HEATR5A: variants seen among roughly 807,000 people sequenced by gnomAD.
The protein encoded by HEATR5A is HEAT repeat-containing protein 5A.
Under a neutral mutation model 218.8 loss-of-function variants are expected in HEATR5A, and 178 were observed. That is an observed-to-expected ratio of 0.81 (90% CI 0.72 to 0.92). The LOEUF (loss-of-function observed/expected upper bound fraction) is 0.92. HEATR5A is among the 40% of genes least tolerant of loss of function. The pLI, the probability that HEATR5A is intolerant of heterozygous loss-of-function variation, is 0.00. For synonymous variants in HEATR5A, 864 were observed against 871.6 expected, an observed-to-expected ratio of 0.99 and a Z score of 0.15; for missense variants, 2,420 against 2,418.9, an observed-to-expected ratio of 1.00 and a Z score of -0.01.
intron 22 of HEATR5A, among the ~76,000 whole-genome samples, chr14:31,336,483 C>G (rs1900675726): frequency 6.6e-6 from 1 of 151,858 alleles, no homozygotes; most frequent in African/African-American, 2.4e-5. Flanking sequence ...AGCCACCATA[C>G]CTGGCCTATT....
At chr14:31,337,247 T>C (rs1900699040) in intron 22 of HEATR5A, among the ~76,000 whole-genome samples, 1 of 152,192 alleles carries the variant, frequency 6.6e-6, no homozygotes, top group Admixed American at 6.5e-5. Flanking sequence ...ATAATCTGCA[T>C]TTCTAACAAG....
At chr14:31,342,299 G>C (rs1900865896) in intron 21 of HEATR5A, among the ~76,000 whole-genome samples, 1 of 152,100 alleles carries the variant, frequency 6.6e-6, no homozygotes, top group Non-Finnish European at 1.5e-5. Flanking sequence ...GAAGGGGGAG[G>C]ATCACTTGAG....
chr14:31,352,607 A>C (rs1901271632), intron 16 of HEATR5A, among the ~76,000 whole-genome samples: 1 of 152,172 alleles, frequency 6.6e-6, no homozygotes, highest in Admixed American at 6.6e-5. Context: ...GAAGGTATCG[A>C]GGCTATGTGT....
chr14:31,378,295 C>T (rs1005921824), intron 11 of HEATR5A, among the ~76,000 whole-genome samples: 1 of 152,194 alleles, frequency 6.6e-6, no homozygotes, highest in Non-Finnish European at 1.5e-5. Context: ...TGTGGTTGTA[C>T]ACAAATAAAA....
At chr14:31,366,030 T>C (rs546871230) in intron 13 of HEATR5A, among the ~76,000 whole-genome samples, 48 of 152,310 alleles carry the variant, frequency 3.2e-4, no homozygotes, top group Admixed American at 4.6e-4. Flanking sequence ...GAGTTATCTA[T>C]TGACTTATCA....
chr14:31,408,803 C>A (rs946013709), intron 1 of HEATR5A, among the ~76,000 whole-genome samples: 1 of 150,782 alleles, frequency 6.6e-6, no homozygotes, highest in Non-Finnish European at 1.5e-5. Context: ...TATTCTAGGG[C>A]CAGAGTTTTC....
At chr14:31,316,024 C>T (rs1899901063) in intron 26 of HEATR5A, 75 bp from the exon 27 acceptor site, 1 of 1,203,330 alleles carries the variant, frequency 8.3e-7, no homozygotes, top group Non-Finnish European at 1.1e-6. Context: ...TGGCTCATGC[C>T]TGTAATCCCA....
At position 31,388,881 on chromosome 14, in the gene HEATR5A, A is replaced by G; in HGVS notation, c.897T>C (p.Ser299=). Reference sequence around the variant, plus strand: ...CAACTCGAACATCCCTACTGACTGAACTGGTTCCTTTCAGCATATCTCCAC... The same window carrying G: ...CAACTCGAACATCCCTACTGACTGAGCTGGTTCCTTTCAGCATATCTCCAC... ...RASGDMLKGT[S]SVSRDVRVGV... is the part of the protein sequence containing the mutation. Residue 299 remains serine, a synonymous_variant, in exon 7 of 36, where the codon AGT becomes AGC. Transcript: ENST00000543095. 1.2e-6 allele frequency: 2 copies of G among 1,613,876 alleles called. No individual in the cohort carries two copies. The highest frequency in any genetic ancestry group is 1.7e-6 in the Non-Finnish European group (2 of 1,179,838).
At chr14:31,311,055 AACCAACCAAC>A in intron 28 of HEATR5A, among the ~76,000 whole-genome samples, 1 of 151,822 alleles carries the variant, frequency 6.6e-6, no homozygotes, top group South Asian at 2.1e-4. Flanking sequence ...CCAACCAACC[AACCAACCAAC>A]CAACCAACCA....
At position 31,394,184 on chromosome 14, in the gene HEATR5A, T is replaced by C. The variant is rs2030560525; in HGVS notation, c.640A>G (p.Thr214Ala). The C allele has an allele frequency of 6.6e-7, 1 of 1,515,086 alleles. No individual in the cohort carries two copies. The highest frequency in any genetic ancestry group is 8.8e-7 in the Non-Finnish European group (1 of 1,138,278). 93.9% of individuals were successfully genotyped at this position (1,515,086 alleles called of 1,614,324 possible). The change falls in exon 6 of 36, where the codon ACG (threonine) becomes GCG (alanine). Residue 214 changes from threonine (T) to alanine (A), a missense_variant. Transcript: ENST00000543095. ...LQNEAIFMWS[T>A]DLDSVATLCF... The stretch of plus-strand genomic sequence containing the variant: ...AGTGTGGCCACACTGTCCAGGTCCG[T>C]ACTCCACATAAAGATGGCTTCATTC...
At chr14:31,413,912 G>A (rs12878225) in intron 1 of HEATR5A, among the ~76,000 whole-genome samples, 146,587 of 152,286 alleles carry the variant, frequency 0.96, 70,743 homozygotes, top group Non-Finnish European at 1. Context: ...GAAGCATCCA[G>A]TCCTTCTAAC....
rs1386725389 is a variant in HEATR5A, at chr14:31,345,219, C to T, written c.2926G>A (p.Val976Met). 1.9e-6 allele frequency: 3 copies of T among 1,612,472 alleles called. No individual in the cohort carries two copies. The Admixed American group carries it at 5.0e-5, about 27-fold the overall frequency. ...IIDSAGPLYY[V>M]HVEPTLSLII... ...AGAGAAAGGGTAGGTTCCACATGCA[C>T]ATAATAGAGTGGGCCAGCAGAATCA... Residue 976 changes from valine to methionine, a missense_variant, in exon 20 of 36, where the codon GTG becomes ATG. Transcript: ENST00000543095.
rs377275097 is a variant in HEATR5A at position 31,301,723 on chromosome 14, C to T, written c.5464+572G>A. ...GGCCAGGCTGGCCTTGAACTCCTGA[C>T]CTCAAGTGATCCGCCAGCTTCGGCT... is the stretch of plus-strand genomic sequence containing the variant. On this transcript the variant is annotated intron_variant, in intron 33 of 35. Transcript: ENST00000543095. Among the ~76,000 whole-genome samples the T allele has an allele frequency of 6.6e-5, 10 of 151,804 alleles. 1 individual carries two copies. In the East Asian group the frequency reaches 1.2e-3, roughly 18 times the overall value.
chr14:31,404,421 A>AT (rs2139310954), intron 1 of HEATR5A, among the ~76,000 whole-genome samples: 1 of 152,242 alleles, frequency 6.6e-6, no homozygotes, highest in South Asian at 2.1e-4. Flanking sequence ...AAGGCTTTTC[A>AT]TTTTTTCATG....
In HEATR5A at chr14:31,304,963, T is replaced by G. The variant is rs561114161; in HGVS notation, c.5181A>C (p.Arg1727Ser). 1.2e-6 allele frequency: 2 copies of G among 1,613,870 alleles called. No homozygotes were observed. Among genetic ancestry groups the G allele is most frequent in the African/African-American group, 2.7e-5 (2 of 74,932 alleles). ...KPQILLEDGS[R>S]LVSAALVILS... is the part of the protein sequence containing the mutation. ...GGATAACCAATGCAGCTGAAACCAA[T>G]CTACTTCCATCTTCTAATAGTATCT... The change falls in exon 32 of 36, where the codon AGA becomes AGC. Residue 1727 changes from arginine to serine, a missense_variant. By Grantham distance (110) the Arg-to-Ser change is moderately radical (BLOSUM62 -1). Transcript: ENST00000543095.
At chr14:31,412,488 G>C (rs1437815275) in intron 1 of HEATR5A, among the ~76,000 whole-genome samples, 1 of 147,400 alleles carries the variant, frequency 6.8e-6, no homozygotes, top group Non-Finnish European at 1.5e-5. Flanking sequence ...AGCTACTCGG[G>C]AGCCTGGTGA....
At chr14:31,386,025 C>G (rs982290397) in intron 9 of HEATR5A, among the ~76,000 whole-genome samples, 14 of 152,138 alleles carry the variant, frequency 9.2e-5, no homozygotes, top group Admixed American at 9.2e-4. Flanking sequence ...CTGTGCCTAG[C>G]CATGAATTAT....
intron 1 of HEATR5A, among the ~76,000 whole-genome samples, chr14:31,405,246 C>T (rs963023177): frequency 2.8e-4 from 43 of 152,002 alleles, no homozygotes; most frequent in Admixed American, 2.8e-3. Context: ...CCAGCCTGGG[C>T]AACACGGCAA....
chr14:31,344,295 T>TTTTTTTTG, intron 20 of HEATR5A, among the ~76,000 whole-genome samples: 1 of 116,486 alleles, frequency 8.6e-6, no homozygotes, highest in East Asian at 2.5e-4. Context: ...TTTTTTTTTT[T>TTTTTTTTG]GAGACAGAGT....
Sources: gnomAD v4.1 joint callset for allele counts (sites outside exome capture counted in the v4.1 genomes callset) on GRCh38, gnomAD v4.1.1 for gene constraint, MANE v1.5 for transcripts, NCBI Gene and HGNC (gene_info 2026-07-23, HGNC 2026-07-21) for gene names.